DDAH1: variants seen among roughly 807,000 people sequenced by gnomAD.
The protein encoded by DDAH1 is N(G),N(G)-dimethylarginine dimethylaminohydrolase 1.
A neutral mutation model predicts 28.8 loss-of-function variants in DDAH1; 19 were observed. The observed-to-expected ratio is 0.66, with a 90% CI of 0.46 to 0.97. DDAH1 has a LOEUF of 0.97. DDAH1 is among the 50% of genes least tolerant of loss of function. The pLI, the probability that DDAH1 is intolerant of heterozygous loss-of-function variation, is 0.00. For synonymous variants in DDAH1, 153 were observed against 154.4 expected (o/e 0.99, Z 0.07); for missense variants, 326 against 375.9 (o/e 0.87, Z 1.10).
intron 1 of DDAH1, among the ~76,000 whole-genome samples, chr1:85,537,690 ATTAAACT>A (rs1385916011): frequency 2.2e-4 from 33 of 150,628 alleles, no homozygotes; most frequent in South Asian, 1.3e-3. Context: ...AACAGTAATC[ATTAAACT>A]TTAAAGTACA....
chr1:85,385,405 A>G (rs1368269356), intron 1 of DDAH1, among the ~76,000 whole-genome samples: 2 of 152,258 alleles, frequency 1.3e-5, no homozygotes, highest in Non-Finnish European at 2.9e-5. Context: ...TACTGACTGT[A>G]TTCTTTAACA....
chr1:85,445,210 C>A (rs12049529), intron 1 of DDAH1, among the ~76,000 whole-genome samples: 28,389 of 152,094 alleles, frequency 0.19, 2,992 homozygotes, highest in East Asian at 0.26. Flanking sequence ...CACCCAGGAT[C>A]AATACTTTGT....
chr1:85,364,323 C>T (rs1201861033), intron 1 of DDAH1, among the ~76,000 whole-genome samples: 1 of 152,096 alleles, frequency 6.6e-6, no homozygotes, highest in Non-Finnish European at 1.5e-5. Context: ...CTTTGTATTC[C>T]ATGATCTCTT....
intron 1 of DDAH1, among the ~76,000 whole-genome samples, chr1:85,449,235 T>C (rs1557643714): frequency 6.6e-6 from 1 of 152,162 alleles, no homozygotes; most frequent in Non-Finnish European, 1.5e-5. Flanking sequence ...GGCAGGTTGG[T>C]GTCTGGCCCA....
intron 1 of DDAH1, among the ~76,000 whole-genome samples, chr1:85,536,350 C>T (rs1468068319): frequency 2.0e-5 from 3 of 151,700 alleles, no homozygotes; most frequent in Admixed American, 2.0e-4. Context: ...GTCAGGAGAT[C>T]GAGACCATCC....
At chr1:85,548,986 T>G (rs1465423329) in intron 1 of DDAH1, among the ~76,000 whole-genome samples, 1 of 152,184 alleles carries the variant, frequency 6.6e-6, no homozygotes, top group East Asian at 1.9e-4. Flanking sequence ...CTGTTCTACA[T>G]AAATATTTTA....
At chr1:85,430,593 T>A (rs1653631794) in intron 1 of DDAH1, among the ~76,000 whole-genome samples, 1 of 152,166 alleles carries the variant, frequency 6.6e-6, no homozygotes, top group Non-Finnish European at 1.5e-5. Flanking sequence ...GGTTTGTAGT[T>A]CTCCTTGAAG....
chr1:85,530,382 T>A (rs1570647098), intron 1 of DDAH1, among the ~76,000 whole-genome samples: 2 of 152,114 alleles, frequency 1.3e-5, no homozygotes, highest in East Asian at 3.9e-4. Context: ...CATGAAATTG[T>A]CATTTAGTAG....
chr1:85,445,279 C>T (rs1254684569), intron 1 of DDAH1, among the ~76,000 whole-genome samples: 3 of 152,126 alleles, frequency 2.0e-5, no homozygotes, highest in Non-Finnish European at 2.9e-5. Context: ...GACATGATAG[C>T]TCTAGGAGTG....
rs1654148951 is a variant in DDAH1 at position 85,440,687 on chromosome 1, T to C, written c.303+24056A>G. Among the ~76,000 whole-genome samples the C allele has an allele frequency of 3.3e-5, 5 of 152,370 alleles. No individual in the cohort carries two copies. In the South Asian group the frequency reaches 1.0e-3, roughly 32 times the overall value. On this transcript the variant is annotated intron_variant, in intron 1 of 5. Transcript: ENST00000284031. The stretch of plus-strand genomic sequence containing the variant: ...TCCTTAGATAAAAGTCAGTTTCCTT[T>C]TTCCAATCCGGGAAGTGGACGTCTG...
intron 1 of DDAH1, among the ~76,000 whole-genome samples, chr1:85,417,371 G>A (rs1652932600): frequency 6.6e-6 from 1 of 152,162 alleles, no homozygotes; most frequent in African/African-American, 2.4e-5. Flanking sequence ...AGAGAGGCAA[G>A]TGGGTTCGAT....
intron 1 of DDAH1, among the ~76,000 whole-genome samples, chr1:85,534,230 C>T (rs562692554): frequency 4.1e-4 from 63 of 152,290 alleles, no homozygotes; most frequent in Middle Eastern, 3.4e-3. Flanking sequence ...TAGCATCTCA[C>T]GTCAGTGCAG....
intron 1 of DDAH1, among the ~76,000 whole-genome samples, chr1:85,450,960 G>A (rs1210592817): frequency 6.6e-6 from 1 of 152,188 alleles, no homozygotes; most frequent in Non-Finnish European, 1.5e-5. Flanking sequence ...AAAAAGGGTA[G>A]TACCTTTTGA....
At chr1:85,525,665 A>G (rs2100767564) in intron 1 of DDAH1, among the ~76,000 whole-genome samples, 1 of 152,166 alleles carries the variant, frequency 6.6e-6, no homozygotes, top group East Asian at 1.9e-4. Context: ...ACTGGAGACT[A>G]GCAGGACACA....
intron 4 of DDAH1, among the ~76,000 whole-genome samples, chr1:85,342,509 G>A (rs765145973): frequency 3.3e-5 from 5 of 152,052 alleles, no homozygotes; most frequent in Admixed American, 6.6e-5. Flanking sequence ...ATATTTTAAT[G>A]AGGAATTTTA....
chr1:85,364,919 T>A (rs779021853), intron 1 of DDAH1, among the ~76,000 whole-genome samples: 21 of 151,996 alleles, frequency 1.4e-4, no homozygotes, highest in Admixed American at 3.3e-4. Context: ...TACTCAATGA[T>A]CCGGTCTTAA....
At chr1:85,443,038 C>T (rs990932309) in intron 1 of DDAH1, among the ~76,000 whole-genome samples, 7 of 152,102 alleles carry the variant, frequency 4.6e-5, no homozygotes, top group African/African-American at 1.4e-4. Context: ...TAATTAGATC[C>T]CATTTGTCAA....
chr1:85,549,559 A>G (rs1222919718), intron 1 of DDAH1, among the ~76,000 whole-genome samples: 1 of 152,186 alleles, frequency 6.6e-6, no homozygotes, highest in African/African-American at 2.4e-5. Flanking sequence ...TTCCATCATC[A>G]AGGGCTGTTA....
chr1:85,396,864 A>G (rs918256310), intron 1 of DDAH1, among the ~76,000 whole-genome samples: 1 of 151,846 alleles, frequency 6.6e-6, no homozygotes, highest in Non-Finnish European at 1.5e-5. Flanking sequence ...GTAAAACCCT[A>G]TTGCTATAAG....
Sources: gnomAD v4.1 joint callset for allele counts (sites outside exome capture counted in the v4.1 genomes callset) on GRCh38, gnomAD v4.1.1 for gene constraint, MANE v1.5 for transcripts, NCBI Gene and HGNC (gene_info 2026-07-23, HGNC 2026-07-21) for gene names.